The following FRAS1 variants were observed in gnomAD, a reference collection of about 807,000 sequenced individuals.
The protein encoded by FRAS1 is extracellular matrix organizing protein FRAS1.
In FRAS1, 290 loss-of-function variants were observed where a neutral mutation model predicts 435.2. The observed-to-expected ratio is 0.67, with a 90% CI of 0.61 to 0.73. FRAS1 has a LOEUF of 0.73. Among genes scored for constraint, FRAS1 ranks in the 30% least tolerant of loss-of-function variants. The pLI is 0.00. For missense variants in FRAS1, 4,860 were observed against 5,001.5 expected (o/e 0.97, Z 0.85); for synonymous variants, 1,800 against 1,851.0 (o/e 0.97, Z 0.71).
chr4:78,307,283 A>G (rs974931278), intron 14 of FRAS1, among the ~76,000 whole-genome samples: 1 of 152,180 alleles, frequency 6.6e-6, no homozygotes, highest in Non-Finnish European at 1.5e-5. Context: ...TCAGACAGGG[A>G]CATTTAAGTC....
chr4:78,114,198 G>T (rs58651074), intron 2 of FRAS1, among the ~76,000 whole-genome samples: 8,207 of 152,030 alleles, frequency 0.054, 361 homozygotes, highest in African/African-American at 0.12. Context: ...ATATCTGTTT[G>T]GGTACCAGTA....
Position 78,534,558 on chromosome 4 carries a change from C to G in FRAS1, c.11035C>G (p.Pro3679Ala). ...TAATGAGAAGGTGTTCCTAATGGAT[C>G]CCAATACATCTGATATGTCACTAGC... Reference protein sequence around the residue: ...CNNEKVFLMDPNTSDMSLAEM... With the variant: ...CNNEKVFLMDANTSDMSLAEM... The change falls in exon 71 of 74, where the codon CCC becomes GCC. Residue 3679 changes from proline (P) to alanine (A), a missense_variant. Physicochemically the swap from Pro to Ala is conservative, Grantham distance 27 (BLOSUM62 -1). Transcript: ENST00000512123. The G allele has an allele frequency of 6.2e-7, 1 of 1,613,318 alleles. No homozygotes were observed. The highest frequency in any genetic ancestry group is 8.5e-7 in the Non-Finnish European group (1 of 1,179,394).
intron 31 of FRAS1, among the ~76,000 whole-genome samples, chr4:78,409,811 G>A (rs1459621472): frequency 6.6e-6 from 1 of 152,198 alleles, no homozygotes; most frequent in Non-Finnish European, 1.5e-5. Context: ...TAGGAATCCA[G>A]GTGGGGCTGA....
intron 6 of FRAS1, among the ~76,000 whole-genome samples, chr4:78,264,044 A>G (rs1215976931): frequency 2.0e-5 from 3 of 152,228 alleles, no homozygotes; most frequent in African/African-American, 7.2e-5. Context: ...CATAAGAGAA[A>G]GTGAAGACAA....
chr4:78,376,383 A>G (rs181867031), intron 26 of FRAS1, among the ~76,000 whole-genome samples: 5 of 152,344 alleles, frequency 3.3e-5, no homozygotes, highest in Admixed American at 2.0e-4. Flanking sequence ...AGGCAATCGT[A>G]ACACAATAGT....
chr4:78,281,521 A>G (rs1253498041), intron 11 of FRAS1, 88 bp downstream of exon 11: 1 of 794,286 alleles, frequency 1.3e-6, no homozygotes, highest in Non-Finnish European at 1.9e-6. Context: ...GAAACTTAGG[A>G]CCTTAGTATT....
rs1046890836 is a variant in FRAS1, at chr4:78,542,457, A to G, written c.*1333A>G. ...CCATGTTGTTTTGAATTGGAGGCAC[A>G]ATTTCATTATTCGAGAGTAAAAGAC... On this transcript the variant is annotated 3_prime_UTR_variant, in exon 74 of 74. Coordinates refer to ENST00000512123, the MANE Select transcript of FRAS1 (RefSeq NM_025074.7). 6.6e-6 allele frequency: 1 copy of G among 152,610 alleles called. No individual in the cohort carries two copies. The highest frequency in any genetic ancestry group is 2.4e-5 in the African/African-American group (1 of 41,438). 9.5% of individuals were successfully genotyped at this position (152,610 alleles called of 1,614,324 possible).
intron 2 of FRAS1, among the ~76,000 whole-genome samples, chr4:78,123,630 G>A (rs938393145): frequency 1.3e-5 from 2 of 152,124 alleles, no homozygotes; most frequent in African/African-American, 4.8e-5. Context: ...TTTTCCATTT[G>A]TTTGTGTCCT....
intron 59 of FRAS1, among the ~76,000 whole-genome samples, chr4:78,489,594 A>G (rs1284711396): frequency 6.6e-6 from 1 of 152,170 alleles, no homozygotes; most frequent in Non-Finnish European, 1.5e-5. Context: ...TCCATAATTG[A>G]CAATATTTTT....
At chr4:78,425,677 C>T (rs568523084) in intron 35 of FRAS1, among the ~76,000 whole-genome samples, 2 of 152,262 alleles carry the variant, frequency 1.3e-5, no homozygotes, top group South Asian at 4.1e-4. Flanking sequence ...CATTTCTAGT[C>T]ATAGGCCTCT....
rs1578096149 is a variant in FRAS1 at position 78,057,697 on chromosome 4, C to A, written c.-313C>A. Reference sequence around the variant, plus strand: ...CGGCCAGTGACCAGCAACTTTCCGGCGAGATTTTGACGCGGAGAACTGTGC... The same window carrying A: ...CGGCCAGTGACCAGCAACTTTCCGGAGAGATTTTGACGCGGAGAACTGTGC... On this transcript the variant is annotated 5_prime_UTR_variant, in exon 1 of 74. Coordinates refer to ENST00000512123, the MANE Select transcript of FRAS1 (RefSeq NM_025074.7). The surrounding 1 kb of genome is among the most constrained non-coding windows in gnomAD (Gnocchi z 4.2). 1 of 422,466 alleles carries A rather than the reference C, an allele frequency of 2.4e-6. No individual in the cohort carries two copies. The highest frequency in any genetic ancestry group is 4.2e-6 in the Non-Finnish European group (1 of 235,498). 26.2% of individuals were successfully genotyped at this position (422,466 alleles called of 1,614,324 possible). A position where few individuals can be genotyped will look rare whatever the true frequency, so the allele number is the denominator to read the frequency against.
chr4:78,235,199 A>G (rs1167880223), intron 2 of FRAS1, among the ~76,000 whole-genome samples: 2 of 152,218 alleles, frequency 1.3e-5, no homozygotes, highest in South Asian at 2.1e-4. Flanking sequence ...CTGATTGTTC[A>G]TGGTACTCTC....
intron 2 of FRAS1, among the ~76,000 whole-genome samples, chr4:78,097,525 C>A (rs1356798669): frequency 6.6e-6 from 1 of 152,208 alleles, no homozygotes; most frequent in Non-Finnish European, 1.5e-5. Context: ...TGTGGCTTGC[C>A]TTCCATCTCA....
intron 47 of FRAS1, among the ~76,000 whole-genome samples, chr4:78,455,772 A>C (rs1719173978): frequency 6.6e-6 from 1 of 152,142 alleles, no homozygotes; most frequent in South Asian, 2.1e-4. Context: ...CTGTCTTTTC[A>C]AGATTGAGCA....
chr4:78,307,939 C>T, intron 14 of FRAS1, 127 bp from the exon 15 acceptor site: 1 of 889,026 alleles, frequency 1.1e-6, no homozygotes, highest in Non-Finnish European at 1.7e-6. Context: ...GTACATGTGT[C>T]AATAGCAGTT....
In FRAS1 at chr4:78,177,687, G is replaced by A. The variant is rs181709866; in HGVS notation, c.109-59823G>A. The stretch of plus-strand genomic sequence containing the variant: ...ATGCTTCCAGCACCTGTAACTCCTG[G>A]TTCATCACCATCAACACTAAGGCTG... On this transcript the variant is annotated intron_variant, in intron 2 of 73. Coordinates refer to ENST00000512123, the MANE Select transcript of FRAS1 (RefSeq NM_025074.7). 4.1e-3 allele frequency among the ~76,000 whole-genome samples: 620 copies of A among 152,246 alleles called. 4 individuals are homozygous for A. The highest frequency in any genetic ancestry group is 0.017 in the Middle Eastern group (5 of 294).
intron 70 of FRAS1, among the ~76,000 whole-genome samples, chr4:78,527,446 C>G (rs2109899324): frequency 6.6e-6 from 1 of 152,272 alleles, no homozygotes; most frequent in East Asian, 1.9e-4. Flanking sequence ...TGCTCTCAGG[C>G]AGTTTATAGT....
At position 78,317,395 on chromosome 4, in the gene FRAS1, C is replaced by G. The variant is rs1314106547; in HGVS notation, c.1847C>G (p.Ser616Cys). ...TGTCATAACTCATGTGCCAGCTGCTCTGGGCCCACACCCTCTCACTGTACA... is the reference window on the plus strand; with the variant it reads ...TGTCATAACTCATGTGCCAGCTGCTGTGGGCCCACACCCTCTCACTGTACA... ...KVCHNSCASC[S>C]GPTPSHCTAC... Residue 616 changes from serine to cysteine, a missense_variant, in exon 17 of 74, where the codon TCT (serine) becomes TGT (cysteine). Transcript: ENST00000512123. The G allele has an allele frequency of 6.2e-7, 1 of 1,613,884 alleles. No homozygotes were observed. The highest frequency in any genetic ancestry group is 2.2e-5 in the East Asian group (1 of 44,878).
At chr4:78,296,157 A>G (rs1728136400) in intron 14 of FRAS1, among the ~76,000 whole-genome samples, 1 of 151,314 alleles carries the variant, frequency 6.6e-6, no homozygotes, top group African/African-American at 2.4e-5. Context: ...TTAAAAATAT[A>G]ATGTGCATGT....
Sources: gnomAD v4.1 joint callset for allele counts (sites outside exome capture counted in the v4.1 genomes callset) on GRCh38, gnomAD v4.1.1 for gene constraint, Gnocchi (gnomAD v3.1) non-coding constraint, MANE v1.5 for transcripts, NCBI Gene and HGNC (gene_info 2026-07-23, HGNC 2026-07-21) for gene names.